NCKAP5: variants seen among roughly 807,000 people sequenced by gnomAD.
NCKAP5 encodes nck-associated protein 5.
NCKAP5 carries 92 observed loss-of-function variants against 167.0 expected under a neutral mutation model. That is an observed-to-expected ratio of 0.55 (90% CI 0.47 to 0.66). The LOEUF (loss-of-function observed/expected upper bound fraction) is 0.66. NCKAP5 is among the 30% of genes least tolerant of loss of function. NCKAP5 has a pLI of 0.00. For synonymous variants in NCKAP5, 891 were observed against 877.4 expected (o/e 1.02, Z -0.27); for missense variants, 2,378 against 2,315.0 (o/e 1.03, Z -0.56).
At chr2:132,905,964 C>T (rs192413584) in intron 8 of NCKAP5, among the ~76,000 whole-genome samples, 1 of 152,254 alleles carries the variant, frequency 6.6e-6, no homozygotes, top group African/African-American at 2.4e-5. Flanking sequence ...ACTAAGTGTG[C>T]AGATCATTGA....
rs1490143327 is a variant in NCKAP5 at position 133,274,030 on chromosome 2, C to T, written c.143+29007G>A. Among the ~76,000 whole-genome samples, 4 of 142,774 alleles carry T rather than the reference C, an allele frequency of 2.8e-5. No homozygotes were observed. The East Asian group carries it at 8.4e-4, about 30-fold the overall frequency. The allele number at this position is 142,774 out of a possible 152,430, so 93.7% of individuals were successfully genotyped here. On this transcript the variant is annotated intron_variant, in intron 4 of 19. Transcript: ENST00000409261. ...TATATTAAATAGTTAAGTTAAAGAA[C>T]ATTTCCTTTAAATTTTTCCTCTAGA...
At chr2:133,340,828 C>T (rs576534177) in intron 3 of NCKAP5, among the ~76,000 whole-genome samples, 1 of 152,266 alleles carries the variant, frequency 6.6e-6, no homozygotes, top group South Asian at 2.1e-4. Context: ...GACATTGTAT[C>T]ACTGAAGCAT....
At chr2:133,418,088 G>A (rs1429883214) in intron 3 of NCKAP5, among the ~76,000 whole-genome samples, 1 of 152,238 alleles carries the variant, frequency 6.6e-6, no homozygotes, top group Non-Finnish European at 1.5e-5. Flanking sequence ...ACTTAAATAT[G>A]TGCAACATAT....
At chr2:132,838,413 C>T (rs959438079) in intron 11 of NCKAP5, among the ~76,000 whole-genome samples, 4 of 152,030 alleles carry the variant, frequency 2.6e-5, no homozygotes, top group African/African-American at 2.4e-5. Flanking sequence ...GGGTGGATCA[C>T]GAGGTCAGGA....
chr2:133,145,233 T>C (rs951619228), intron 5 of NCKAP5, among the ~76,000 whole-genome samples: 2 of 152,096 alleles, frequency 1.3e-5, no homozygotes, highest in African/African-American at 2.4e-5. Context: ...TCTCCCTCTC[T>C]CTACCAAAAG....
chr2:133,663,057 G>T, the NCKAP5 span, among the ~76,000 whole-genome samples: 1 of 152,104 alleles, frequency 6.6e-6, no homozygotes, highest in African/African-American at 2.4e-5. Flanking sequence ...ATGAGGTCAG[G>T]AGATCGAGAC....
chr2:133,647,426 A>C, the NCKAP5 span, among the ~76,000 whole-genome samples: 1 of 118,844 alleles, frequency 8.4e-6, no homozygotes, highest in Non-Finnish European at 1.6e-5. Flanking sequence ...GAAGAGAAAG[A>C]AAGGAAGAAA....
chr2:133,485,730 C>T (rs756849969), intron 3 of NCKAP5, among the ~76,000 whole-genome samples: 15 of 152,112 alleles, frequency 9.9e-5, no homozygotes, highest in South Asian at 2.1e-4. Context: ...TTAAATATAT[C>T]ACTAGTGATG....
At chr2:132,880,350 C>G (rs1323757427) in intron 8 of NCKAP5, among the ~76,000 whole-genome samples, 1 of 152,152 alleles carries the variant, frequency 6.6e-6, no homozygotes, top group African/African-American at 2.4e-5. Context: ...AAATGATAGG[C>G]TGGGCTTGGT....
chr2:133,620,227 A>T, the NCKAP5 span, among the ~76,000 whole-genome samples: 11 of 152,106 alleles, frequency 7.2e-5, no homozygotes, highest in Non-Finnish European at 1.3e-4. Context: ...ATAGAATAGT[A>T]TCTCATGTCT....
intron 3 of NCKAP5, among the ~76,000 whole-genome samples, chr2:133,429,848 T>C (rs779954674): frequency 2.6e-5 from 4 of 152,162 alleles, no homozygotes; most frequent in Non-Finnish European, 5.9e-5. Flanking sequence ...AATAATGGGA[T>C]TGCTGGGTCA....
At chr2:132,790,566 T>C (rs1159845635) in intron 12 of NCKAP5, among the ~76,000 whole-genome samples, 2 of 152,204 alleles carry the variant, frequency 1.3e-5, no homozygotes, top group Non-Finnish European at 2.9e-5. Flanking sequence ...CTACTGAATG[T>C]GTATTTTGGC....
At chr2:133,144,740 T>C (rs1190933794) in intron 5 of NCKAP5, among the ~76,000 whole-genome samples, 1 of 152,158 alleles carries the variant, frequency 6.6e-6, no homozygotes, top group African/African-American at 2.4e-5. Context: ...GTGTTATACA[T>C]AGAATTATAT....
intron 6 of NCKAP5, among the ~76,000 whole-genome samples, chr2:133,051,465 C>T (rs2079604996): frequency 6.6e-6 from 1 of 152,126 alleles, no homozygotes; most frequent in African/African-American, 2.4e-5. Context: ...GGAACGTGGG[C>T]TGGAACAGTC....
intron 7 of NCKAP5, among the ~76,000 whole-genome samples, chr2:132,974,320 T>C (rs1197640074): frequency 2.0e-5 from 3 of 152,190 alleles, no homozygotes; most frequent in Non-Finnish European, 4.4e-5. Context: ...TTTAGGACTG[T>C]TCACATGAGG....
At chr2:133,146,645 G>T (rs2083207636) in intron 5 of NCKAP5, among the ~76,000 whole-genome samples, 1 of 152,214 alleles carries the variant, frequency 6.6e-6, no homozygotes, top group East Asian at 1.9e-4. Context: ...ACATCAGGTT[G>T]CCACCAACAT....
intron 11 of NCKAP5, among the ~76,000 whole-genome samples, chr2:132,834,345 CTT>C (rs955782666): frequency 4.6e-5 from 7 of 151,988 alleles, no homozygotes; most frequent in Admixed American, 2.0e-4. Flanking sequence ...TTATTTATCT[CTT>C]TGTTTGTTTG....
intron 7 of NCKAP5, among the ~76,000 whole-genome samples, chr2:132,991,394 G>A (rs1553502759): frequency 6.6e-6 from 1 of 152,150 alleles, no homozygotes; most frequent in Non-Finnish European, 1.5e-5. Context: ...TGGCAAAGCT[G>A]GTAAATTGTA....
intron 12 of NCKAP5, 112 bp from the exon 13 acceptor site, chr2:132,790,317 G>A (rs534538721): frequency 5.3e-6 from 5 of 934,806 alleles, no homozygotes; most frequent in African/African-American, 3.3e-5. Flanking sequence ...CTTATGGCAG[G>A]AGTACATCCT....
Sources: gnomAD v4.1 joint callset for allele counts (sites outside exome capture counted in the v4.1 genomes callset) on GRCh38, gnomAD v4.1.1 for gene constraint, MANE v1.5 for transcripts, NCBI Gene and HGNC (gene_info 2026-07-23, HGNC 2026-07-21) for gene names.